CCDC7: variants seen among roughly 807,000 people sequenced by gnomAD.
CCDC7 encodes coiled-coil domain-containing protein 7.
Under a neutral mutation model 196.9 loss-of-function variants are expected in CCDC7, and 183 were observed. The ratio of observed to expected loss-of-function variants is 0.93; its 90% CI spans 0.82 to 1.05. CCDC7 has a LOEUF of 1.05. CCDC7 is among the 50% of genes least tolerant of loss of function. CCDC7 has a pLI of 0.00. For missense variants in CCDC7, 1,540 were observed against 1,482.2 expected, an observed-to-expected ratio of 1.04 and a Z score of -0.64; for synonymous variants, 525 against 484.6, an observed-to-expected ratio of 1.08 and a Z score of -1.10.
intron 28 of CCDC7, among the ~76,000 whole-genome samples, chr10:32,745,395 C>G (rs1320148853): frequency 1.3e-5 from 2 of 152,182 alleles, no homozygotes; most frequent in African/African-American, 4.8e-5. Context: ...GTGTCAGCAT[C>G]TGCTTAGGGT....
chr10:32,556,695 C>T (rs2054408705), intron 13 of CCDC7, among the ~76,000 whole-genome samples: 1 of 152,194 alleles, frequency 6.6e-6, no homozygotes, highest in Non-Finnish European at 1.5e-5. Context: ...CAACCTTTCT[C>T]CTTTTCACTT....
chr10:32,507,604 C>A (rs554492564), intron 9 of CCDC7, among the ~76,000 whole-genome samples: 1 of 152,212 alleles, frequency 6.6e-6, no homozygotes, highest in South Asian at 2.1e-4. Flanking sequence ...GCACCTGCCA[C>A]TATGCCTGGC....
intron 9 of CCDC7, among the ~76,000 whole-genome samples, chr10:32,504,116 T>G (rs578019943): frequency 0.11 from 5,621 of 51,506 alleles, 119 homozygotes; most frequent in Middle Eastern, 0.17. Context: ...TTATTGCTGG[T>G]TTTTTTTTTT....
intron 2 of CCDC7, among the ~76,000 whole-genome samples, chr10:32,453,942 A>G (rs556520059): frequency 3.3e-5 from 5 of 152,334 alleles, no homozygotes; most frequent in Middle Eastern, 3.4e-3. Flanking sequence ...TAGCTACTGA[A>G]TCCAGCAACC....
At chr10:32,757,590 C>T (rs1223921972) in intron 28 of CCDC7, among the ~76,000 whole-genome samples, 1 of 152,170 alleles carries the variant, frequency 6.6e-6, no homozygotes, top group Non-Finnish European at 1.5e-5. Context: ...ATCTGTGGGA[C>T]ACATTTAAGG....
chr10:32,847,777 G>T, intron 37 of CCDC7, 56 bp from the exon 39 acceptor site: 1 of 1,015,902 alleles, frequency 9.8e-7, no homozygotes, highest in Non-Finnish European at 1.5e-6. Context: ...TAAAATACAT[G>T]TGTAACATAA....
intron 30 of CCDC7, among the ~76,000 whole-genome samples, chr10:32,807,238 T>C (rs1414011761): frequency 1.3e-5 from 2 of 152,176 alleles, no homozygotes; most frequent in East Asian, 3.9e-4. Context: ...TTCACTTCTT[T>C]CTACTCTTAA....
chr10:32,567,712 C>A, exon 15 of CCDC7: 1 of 1,612,856 alleles, frequency 6.2e-7, no homozygotes, highest in South Asian at 1.1e-5. Context: ...TTTCCTAAAT[C>A]AAGAGAAGTT....
At position 32,874,753 on chromosome 10, in the gene CCDC7, TACACAC is replaced by T. The variant is rs3035173; in HGVS notation, c.4112-1568_4112-1563del. Reference sequence around the variant, plus strand: ...ATATATACACACACACCAACATATCTACACACACACACACACACACACACACACACA... The same window carrying T: ...ATATATACACACACACCAACATATCTACACACACACACACACACACACACA... On this transcript the variant is annotated intron_variant, in intron 41 of 41. Coordinates refer to ENST00000639629, the Ensembl canonical transcript of CCDC7. 1.9e-3 allele frequency among the ~76,000 whole-genome samples: 274 copies of T among 145,328 alleles called. 3 individuals carry two copies. In the East Asian group the frequency reaches 0.021, roughly 11 times the overall value.
At chr10:32,670,407 A>ATTT (rs1269255898) in intron 21 of CCDC7, among the ~76,000 whole-genome samples, 1 of 151,564 alleles carries the variant, frequency 6.6e-6, no homozygotes, top group African/African-American at 2.4e-5. Flanking sequence ...TATTATTATT[A>ATTT]TACTTTAAGT....
chr10:32,555,556 T>C (rs979140341), intron 13 of CCDC7, among the ~76,000 whole-genome samples: 1 of 152,174 alleles, frequency 6.6e-6, no homozygotes, highest in African/African-American at 2.4e-5. Context: ...TTTTTAACTT[T>C]TTAAGGAGAG....
chr10:32,519,405 T>C (rs2047536676), intron 11 of CCDC7, among the ~76,000 whole-genome samples: 1 of 152,116 alleles, frequency 6.6e-6, no homozygotes, highest in African/African-American at 2.4e-5. Context: ...GTTTCTGGTT[T>C]TGCTTCCTTG....
rs118135211 is a variant in CCDC7 at position 32,552,181 on chromosome 10, G to C, written c.1134+7880G>C. Among the ~76,000 whole-genome samples, 1,204 of 152,270 alleles carry C rather than the reference G, an allele frequency of 7.9e-3. 6 individuals are homozygous for C. The highest frequency in any genetic ancestry group is 0.02 in the Middle Eastern group (6 of 294). On this transcript the variant is annotated intron_variant, in intron 13 of 41. Transcript: ENST00000639629. ...TTCTTTGTCTCCTTTGGCTGCTGTT[G>C]CTTTAAAGTTTGTTTGTCTGATGTA...
intron 3 of CCDC7, among the ~76,000 whole-genome samples, chr10:32,462,439 C>T (rs542576468): frequency 6.6e-6 from 1 of 151,996 alleles, no homozygotes; most frequent in South Asian, 2.1e-4. Flanking sequence ...CCTCTTTCTC[C>T]CTTTTTATAT....
intron 21 of CCDC7, among the ~76,000 whole-genome samples, chr10:32,685,527 T>C (rs11595844): frequency 0.14 from 21,783 of 152,186 alleles, 1,899 homozygotes; most frequent in African/African-American, 0.25. Flanking sequence ...AATCCATGAC[T>C]GTATTCTCTC....
chr10:32,678,281 A>G (rs2075336191), intron 21 of CCDC7, among the ~76,000 whole-genome samples: 1 of 152,146 alleles, frequency 6.6e-6, no homozygotes, highest in South Asian at 2.1e-4. Context: ...CTGTGCATCA[A>G]CAGAGCATCC....
chr10:32,814,916 G>T (rs1351772541), intron 31 of CCDC7, among the ~76,000 whole-genome samples: 2 of 152,150 alleles, frequency 1.3e-5, no homozygotes, highest in African/African-American at 4.8e-5. Context: ...AGAGTGCCCT[G>T]CTAAAACCAC....
chr10:32,511,573 A>G (rs2046214370), intron 9 of CCDC7: 13 of 1,606,684 alleles, frequency 8.1e-6, no homozygotes, highest in Non-Finnish European at 1.1e-5. Flanking sequence ...CAGAAACCAA[A>G]TCCACTTTTG....
chr10:32,756,493 A>G (rs1404796443), intron 28 of CCDC7, among the ~76,000 whole-genome samples: 2 of 152,344 alleles, frequency 1.3e-5, no homozygotes, highest in East Asian at 3.9e-4. Flanking sequence ...TTTCATATCC[A>G]GCCAAACTAA....
Sources: allele counts gnomAD v4.1 joint callset (sites outside exome capture counted in the v4.1 genomes callset), GRCh38; gene constraint gnomAD v4.1.1; transcripts MANE v1.5; gene names NCBI Gene and HGNC (gene_info 2026-07-23, HGNC 2026-07-21).